The following CEP57L1 variants were observed in gnomAD, a reference collection of about 807,000 sequenced individuals.
CEP57L1 encodes the protein centrosomal protein 57 like 1.
A neutral mutation model predicts 61.0 loss-of-function variants in CEP57L1; 37 were observed. The observed-to-expected ratio is 0.61, with a 90% CI of 0.47 to 0.80. The LOEUF (loss-of-function observed/expected upper bound fraction) is 0.80. Ranked by LOEUF, CEP57L1 falls within the 30% of genes least tolerant of loss-of-function variation. The pLI, the probability that CEP57L1 is intolerant of heterozygous loss-of-function variation, is 0.00. For synonymous variants in CEP57L1, 137 were observed against 162.3 expected, an observed-to-expected ratio of 0.84 and a Z score of 1.19; for missense variants, 422 against 524.7, an observed-to-expected ratio of 0.80 and a Z score of 1.91.
chr6:109,166,953 T>C lies in CEP57L1; in HGVS notation c.*3983T>C, dbSNP rs1272670414. 6.6e-6 allele frequency among the ~76,000 whole-genome samples: 1 copy of C among 152,146 alleles called. No individual in the cohort carries two copies. Among genetic ancestry groups the C allele is most frequent in the African/African-American group, 2.4e-5 (1 of 41,436 alleles). ...AGGTGACGTGTAGATAAGTATAAGCTGACACTCAGACATATGACAAGACAA... is the reference window on the plus strand; with the variant it reads ...AGGTGACGTGTAGATAAGTATAAGCCGACACTCAGACATATGACAAGACAA... On this transcript the variant is annotated 3_prime_UTR_variant, in exon 11 of 11. Transcript: ENST00000517392.
At chr6:109,142,839 C>A (rs1019313316) in intron 1 of CEP57L1, among the ~76,000 whole-genome samples, 1 of 151,940 alleles carries the variant, frequency 6.6e-6, no homozygotes, top group Non-Finnish European at 1.5e-5. Flanking sequence ...GAAATTTTTC[C>A]CTAGAAATAT....
At chr6:109,116,169 GT>G (rs1772278701) in intron 1 of CEP57L1, among the ~76,000 whole-genome samples, 1 of 150,542 alleles carries the variant, frequency 6.6e-6, no homozygotes, top group Middle Eastern at 3.2e-3. Context: ...GTTATGTTAT[GT>G]TATGTTATGT....
chr6:109,165,067 A>T lies in CEP57L1; in HGVS notation c.*2097A>T, dbSNP rs1489032258. ...TACTCCAGCCTGGTGACACAGCAAGACTCTGTCTCAAAAAAAAAAAAAAAA... is the reference window on the plus strand; with the variant it reads ...TACTCCAGCCTGGTGACACAGCAAGTCTCTGTCTCAAAAAAAAAAAAAAAA... On this transcript the variant is annotated 3_prime_UTR_variant, in exon 11 of 11. Coordinates refer to ENST00000517392, the MANE Select transcript of CEP57L1 (RefSeq NM_001271852.3). Among the ~76,000 whole-genome samples the T allele has an allele frequency of 4.7e-5, 7 of 148,666 alleles. No individual in the cohort carries two copies.
In CEP57L1 at chr6:109,155,891, AT is replaced by A; in HGVS notation, c.744+20del. 3 of 1,420,828 alleles carry A rather than the reference AT, an allele frequency of 2.1e-6. No homozygotes were observed. Among genetic ancestry groups the A allele is most frequent in the Non-Finnish European group, 2.0e-6 (2 of 1,019,402 alleles). 88.0% of individuals were successfully genotyped at this position (1,420,828 alleles called of 1,614,324 possible). On this transcript the variant is annotated intron_variant, in intron 7 of 10. Coordinates refer to ENST00000517392, the MANE Select transcript of CEP57L1 (RefSeq NM_001271852.3). ...AAATCTTCAAAGGTGTGCATATAAA[AT>A]TTTTTCCCAAACAAAAATACTGCTA...
At chr6:109,095,234 G>A (rs532324260), upstream of CEP57L1, 2 of 985,572 alleles carry the variant, frequency 2.0e-6, no homozygotes, top group Admixed American at 6.1e-5. Flanking sequence ...CTCTGTCCTG[G>A]AGAAGGGGAA....
In CEP57L1 at chr6:109,160,563, C is replaced by T; in HGVS notation, c.1017-9C>T. The T allele has an allele frequency of 3.2e-6, 5 of 1,587,252 alleles. No homozygotes were observed. Among genetic ancestry groups the T allele is most frequent in the Non-Finnish European group, 4.3e-6 (5 of 1,167,546 alleles). ...ATAATACTGCTTAATATTTGCTATT[C>T]TTTCATAGGGAGCACCAAGAACTAC... On this transcript the variant is annotated splice_polypyrimidine_tract_variant and intron_variant, in intron 9 of 10. Coordinates refer to ENST00000517392, the MANE Select transcript of CEP57L1 (RefSeq NM_001271852.3).
rs77043922 is a variant in CEP57L1 at position 109,167,693 on chromosome 6, G to A, written c.*4723G>A. 0.13 allele frequency among the ~76,000 whole-genome samples: 19,573 copies of A among 149,580 alleles called. 1,501 individuals are homozygous for A. The highest frequency in any genetic ancestry group is 0.2 in the African/African-American group (8,221 of 40,108). On this transcript the variant is annotated 3_prime_UTR_variant, in exon 11 of 11. Transcript: ENST00000517392. Reference sequence around the variant, plus strand: ...CTCTGCCTCAAAGCAAAAAAAAAAAGAAAAGAAAAGAAAAAAGGAATAGCC... The same window carrying A: ...CTCTGCCTCAAAGCAAAAAAAAAAAAAAAAGAAAAGAAAAAAGGAATAGCC...
intron 5 of CEP57L1, among the ~76,000 whole-genome samples, chr6:109,154,991 A>G (rs1363264854): frequency 6.6e-6 from 1 of 152,092 alleles, no homozygotes; most frequent in Admixed American, 6.5e-5. Context: ...GTGTGTGTGT[A>G]TATTCTTTGC....
chr6:109,132,950 CTT>C (rs1182489225), intron 1 of CEP57L1, among the ~76,000 whole-genome samples: 1 of 151,950 alleles, frequency 6.6e-6, no homozygotes, highest in African/African-American at 2.4e-5. Context: ...TTTGTGTTTT[CTT>C]TCTGATTTGT....
chr6:109,099,418 A>G (rs1287507709), intron 1 of CEP57L1, among the ~76,000 whole-genome samples: 1 of 152,228 alleles, frequency 6.6e-6, no homozygotes, highest in African/African-American at 2.4e-5. Flanking sequence ...TGTAGGTCAA[A>G]TGAGATGAGG....
At chr6:109,160,075 A>G (rs1459488841) in intron 9 of CEP57L1, among the ~76,000 whole-genome samples, 1 of 152,210 alleles carries the variant, frequency 6.6e-6, no homozygotes, top group Non-Finnish European at 1.5e-5. Context: ...GCTTAAATAT[A>G]TATTCAACAG....
chr6:109,116,808 C>T (rs1772361611), intron 1 of CEP57L1, among the ~76,000 whole-genome samples: 1 of 152,082 alleles, frequency 6.6e-6, no homozygotes, highest in Non-Finnish European at 1.5e-5. Flanking sequence ...AACACAATTG[C>T]TAGCCTGTTT....
chr6:109,131,874 A>G (rs559872479), intron 1 of CEP57L1, among the ~76,000 whole-genome samples: 5 of 152,114 alleles, frequency 3.3e-5, no homozygotes, highest in Non-Finnish European at 7.4e-5. Context: ...TGCATGGGAC[A>G]GAGGAAGTCT....
chr6:109,119,109 A>G (rs1772646647), intron 1 of CEP57L1, among the ~76,000 whole-genome samples: 1 of 152,192 alleles, frequency 6.6e-6, no homozygotes, highest in Non-Finnish European at 1.5e-5. Flanking sequence ...AGAGAGAACA[A>G]TAGGAACATT....
Position 109,169,226 on chromosome 6 carries a change from C to CAAA in CEP57L1, c.*6275_*6277dup, listed in dbSNP as rs202070350. On this transcript the variant is annotated 3_prime_UTR_variant, in exon 11 of 11. Coordinates refer to ENST00000517392, the MANE Select transcript of CEP57L1 (RefSeq NM_001271852.3). Reference sequence around the variant, plus strand: ...GAGCAGCAGAGTGAGGCTCCATCAGCAAAAAAAAAAAAAAAAAAAAAGATC... The same window carrying CAAA: ...GAGCAGCAGAGTGAGGCTCCATCAGCAAAAAAAAAAAAAAAAAAAAAAAAGATC... 8.4e-3 allele frequency among the ~76,000 whole-genome samples: 568 copies of CAAA among 67,370 alleles called. 9 individuals carry two copies. The highest frequency in any genetic ancestry group is 0.024 in the African/African-American group (426 of 17,394). 44.2% of individuals were successfully genotyped at this position (67,370 alleles called of 152,430 possible). A position where few individuals can be genotyped will look rare whatever the true frequency, so the allele number is the denominator to read the frequency against.
Position 109,153,870 on chromosome 6 carries a change from A to T in CEP57L1, c.500A>T (p.Lys167Met), listed in dbSNP as rs1332704150. The T allele has an allele frequency of 6.2e-7, 1 of 1,612,366 alleles. No individual in the cohort carries two copies. Among genetic ancestry groups the T allele is most frequent in the South Asian group, 1.1e-5 (1 of 90,858 alleles). Residue 167 changes from lysine (K) to methionine (M), a missense_variant, in exon 5 of 11, where the codon AAG (lysine) becomes ATG (methionine). Lys to Met is a moderately conservative substitution (Grantham distance 95). Transcript: ENST00000517392. ...AGGGAAAAAGAACAAGATCAGATGA[A>T]GCTGTATGCAAAACTTGAAAAGCTT... ...LQREKEQDQMKLYAKLEKLDV... is the reference protein window; with the variant it reads ...LQREKEQDQMMLYAKLEKLDV...
intron 9 of CEP57L1, 97 bp from the exon 10 acceptor site, chr6:109,160,475 A>G (rs57212784): frequency 0.11 from 104,274 of 960,002 alleles, 6,062 homozygotes; most frequent in Middle Eastern, 0.18. Context: ...TTTAACTCTG[A>G]CTAAAATTTA....
At chr6:109,123,737 T>C (rs1011107590) in intron 1 of CEP57L1, among the ~76,000 whole-genome samples, 5 of 152,158 alleles carry the variant, frequency 3.3e-5, no homozygotes, top group African/African-American at 9.7e-5. Flanking sequence ...AGTTTTTCTC[T>C]TCCTTTCCAT....
chr6:109,104,675 C>T (rs1312822125), intron 1 of CEP57L1, among the ~76,000 whole-genome samples: 2 of 152,116 alleles, frequency 1.3e-5, no homozygotes, highest in African/African-American at 2.4e-5. Context: ...CTCAACCTCC[C>T]GGGCTCAAAC....
Sources: allele counts gnomAD v4.1 joint callset (sites outside exome capture counted in the v4.1 genomes callset), GRCh38; gene constraint gnomAD v4.1.1; transcripts MANE v1.5; gene names NCBI Gene and HGNC (gene_info 2026-07-23, HGNC 2026-07-21).